POLQ: variants seen among roughly 807,000 people sequenced by gnomAD.
The protein encoded by POLQ is epididymis secretory sperm binding protein.
A neutral mutation model predicts 259.2 loss-of-function variants in POLQ; 233 were observed. The observed-to-expected ratio is 0.90, with a 90% CI of 0.81 to 1.00. The LOEUF is 1.00. Among genes scored for constraint, POLQ ranks in the 50% least tolerant of loss-of-function variants. POLQ has a pLI of 0.00. For synonymous variants in POLQ, 1,025 were observed against 1,048.8 expected (o/e 0.98, Z 0.44); for missense variants, 2,871 against 3,051.6 (o/e 0.94, Z 1.39).
chr3:121,545,652 T>G, intron 1 of POLQ, 63 bp downstream of exon 1: 1 of 1,469,358 alleles, frequency 6.8e-7, no homozygotes, highest in Non-Finnish European at 9.1e-7. Flanking sequence ...TGAGGACACC[T>G]CCCGACCCAT....
intron 25 of POLQ, among the ~76,000 whole-genome samples, chr3:121,452,987 C>T (rs1409693517): frequency 6.6e-6 from 1 of 152,208 alleles, no homozygotes; most frequent in African/African-American, 2.4e-5. Context: ...GGGAGGCACC[C>T]CCCAGTAGGG....
At chr3:121,494,792 A>G in intron 14 of POLQ, 1 of 1,484,176 alleles carries the variant, frequency 6.7e-7, no homozygotes, top group Non-Finnish European at 9.3e-7. Flanking sequence ...TTACAACGAC[A>G]GATAGGATGA....
chr3:121,445,960 A>C (rs1168195000), intron 26 of POLQ, among the ~76,000 whole-genome samples: 2 of 148,874 alleles, frequency 1.3e-5, no homozygotes, highest in African/African-American at 4.9e-5. Flanking sequence ...GATCTGTATT[A>C]TTTCTTTTCC....
Position 121,481,574 on chromosome 3 carries a change from T to G in POLQ, c.6209A>C (p.Gln2070Pro). The change falls in exon 19 of 30, where the codon CAA becomes CCA. Residue 2070 changes from glutamine (Q) to proline (P), a missense_variant and splice_region_variant. Physicochemically the swap from Gln to Pro is moderately conservative, Grantham distance 76. Coordinates refer to ENST00000264233, the MANE Select transcript of POLQ (RefSeq NM_199420.4). ...LNSLLQKENL[Q>P]DVFRKVEMPS... ...AATGCCAGAAACTTGGTTTTTACCT[T>G]GAAGGTTTTCCTTCTGCAACAAAGA... The G allele has an allele frequency of 6.3e-7, 1 of 1,588,926 alleles. No homozygotes were observed. The highest frequency in any genetic ancestry group is 8.6e-7 in the Non-Finnish European group (1 of 1,166,360).
intron 14 of POLQ, 90 bp from the exon 15 acceptor site, chr3:121,493,811 T>C: frequency 3.2e-6 from 4 of 1,250,632 alleles, no homozygotes; most frequent in Non-Finnish European, 4.4e-6. Context: ...TTCTTTTGTT[T>C]TTTCCCTGCA....
At chr3:121,542,791 T>C (rs1436630102) in intron 2 of POLQ, among the ~76,000 whole-genome samples, 1 of 152,108 alleles carries the variant, frequency 6.6e-6, no homozygotes, top group African/African-American at 2.4e-5. Flanking sequence ...CCCCCATCTC[T>C]ACAAAAAATT....
Position 121,533,040 on chromosome 3 carries a change from C to T in POLQ, c.910G>A (p.Asp304Asn). Reference sequence around the variant, plus strand: ...TCCCTCACAAGTTTCATTGAAGAGTCATATATGGAATTTCCAACTTTTACT... The same window carrying T: ...TCCCTCACAAGTTTCATTGAAGAGTTATATATGGAATTTCCAACTTTTACT... The part of the protein sequence containing the change: ...ESVKVGNSIY[D>N]SSMKLVREFE... Residue 304 changes from aspartate (D) to asparagine (N), a missense_variant, in exon 6 of 30, where the codon GAC becomes AAC. Physicochemically the swap from Asp to Asn is conservative, Grantham distance 23. Transcript: ENST00000264233. 2 of 1,613,772 alleles carry T rather than the reference C, an allele frequency of 1.2e-6. No homozygotes were observed. The highest frequency in any genetic ancestry group is 1.7e-6 in the Non-Finnish European group (2 of 1,179,844).
intron 9 of POLQ, among the ~76,000 whole-genome samples, 156 bp from the exon 10 acceptor site, chr3:121,512,185 C>G (rs2048260743): frequency 6.6e-6 from 1 of 152,152 alleles, no homozygotes; most frequent in African/African-American, 2.4e-5. Flanking sequence ...GAACTTTGGA[C>G]AGAAGGGGAT....
Position 121,498,470 on chromosome 3 carries a change from C to T in POLQ, c.2153+7G>A, listed in dbSNP as rs370487410. On this transcript the variant is annotated splice_region_variant and intron_variant, in intron 13 of 29. Coordinates refer to ENST00000264233, the MANE Select transcript of POLQ (RefSeq NM_199420.4). ...ATACCGGAGAGCCCAGAGACCTTGACGTTTACCTTTTATGGATGGCCATTT... is the reference window on the plus strand; with the variant it reads ...ATACCGGAGAGCCCAGAGACCTTGATGTTTACCTTTTATGGATGGCCATTT... 2.0e-5 allele frequency: 32 copies of T among 1,609,232 alleles called. No individual in the cohort carries two copies. The highest frequency in any genetic ancestry group is 1.3e-4 in the East Asian group (6 of 44,850).
In POLQ at chr3:121,490,192, A is replaced by G. The variant is rs759356478; in HGVS notation, c.2739T>C (p.His913=). ...LLHSSTCSLT[H]SESEVKEHTF... is the part of the protein sequence containing the mutation. ...TGTGTTCCTTTACTTCGGACTCACT[A>G]TGAGTCAATGAGCATGTACTAGAAT... Residue 913 remains histidine (H), a synonymous_variant, in exon 16 of 30, where the codon CAT becomes CAC. Coordinates refer to ENST00000264233, the MANE Select transcript of POLQ (RefSeq NM_199420.4). The G allele has an allele frequency of 6.2e-7, 1 of 1,612,442 alleles. No individual in the cohort carries two copies. The highest frequency in any genetic ancestry group is 1.1e-5 in the South Asian group (1 of 90,972).
intron 3 of POLQ, among the ~76,000 whole-genome samples, chr3:121,540,136 G>T (rs1166066314): frequency 6.6e-6 from 1 of 151,638 alleles, no homozygotes; most frequent in Non-Finnish European, 1.5e-5. Context: ...GTTACTTTGG[G>T]TCTAAGTTGA....
intron 16 of POLQ, among the ~76,000 whole-genome samples, chr3:121,486,893 C>CAG (rs3045624): frequency 0.014 from 1,962 of 140,458 alleles, 19 homozygotes; most frequent in African/African-American, 0.019. Flanking sequence ...GAAAGAGAGA[C>CAG]AGAGAGAGAG....
intron 12 of POLQ, among the ~76,000 whole-genome samples, chr3:121,502,041 A>G (rs2048174967): frequency 1.3e-5 from 2 of 152,100 alleles, no homozygotes; most frequent in African/African-American, 4.8e-5. Context: ...TTCAGGTTGA[A>G]AGAAACTCAC....
chr3:121,447,598 G>A (rs958814713), intron 26 of POLQ, among the ~76,000 whole-genome samples: 1 of 152,100 alleles, frequency 6.6e-6, no homozygotes, highest in Non-Finnish European at 1.5e-5. Flanking sequence ...CAATTGCAAT[G>A]TTATAATAGT....
chr3:121,525,443 T>C (rs910684904), intron 7 of POLQ, among the ~76,000 whole-genome samples: 3 of 151,960 alleles, frequency 2.0e-5, no homozygotes, highest in Non-Finnish European at 4.4e-5. Context: ...TTACCTTGAG[T>C]AGGCTGATGA....
intron 26 of POLQ, among the ~76,000 whole-genome samples, chr3:121,441,598 G>A (rs956577963): frequency 6.6e-5 from 10 of 152,150 alleles, no homozygotes; most frequent in Admixed American, 5.9e-4. Flanking sequence ...ATACTACTCT[G>A]TTGTGGAGGT....
At chr3:121,518,994 CTT>C (rs1304563315) in intron 9 of POLQ, among the ~76,000 whole-genome samples, 4 of 151,948 alleles carry the variant, frequency 2.6e-5, no homozygotes, top group Non-Finnish European at 5.9e-5. Context: ...TAAGACAAAA[CTT>C]TTGTTTGGAT....
At chr3:121,473,271 C>T in intron 21 of POLQ, 79 bp downstream of exon 21, 2 of 1,211,950 alleles carry the variant, frequency 1.7e-6, no homozygotes, top group Non-Finnish European at 2.3e-6. Context: ...ATGTTGATTT[C>T]ATCAGCATTC....
At chr3:121,522,987 C>G (rs754342856) in intron 7 of POLQ, among the ~76,000 whole-genome samples, 2 of 152,084 alleles carry the variant, frequency 1.3e-5, no homozygotes, top group African/African-American at 4.8e-5. Context: ...TTAAATAGTA[C>G]CCTCTGTTTT....
Sources: gnomAD v4.1 joint callset for allele counts (sites outside exome capture counted in the v4.1 genomes callset) on GRCh38, gnomAD v4.1.1 for gene constraint, MANE v1.5 for transcripts, NCBI Gene and HGNC (gene_info 2026-07-23, HGNC 2026-07-21) for gene names.